PRKAA2: variants seen among roughly 807,000 people sequenced by gnomAD.
The protein encoded by PRKAA2 is protein kinase AMP-activated catalytic subunit alpha 2, also known as 5'-AMP-activated protein kinase catalytic subunit alpha-2.
In PRKAA2, 40 loss-of-function variants were observed where a neutral mutation model predicts 56.3. That is an observed-to-expected ratio of 0.71 (90% confidence interval 0.55 to 0.92). The LOEUF is 0.92. Ranked by LOEUF, PRKAA2 falls within the 40% of genes least tolerant of loss-of-function variation. The probability of loss-of-function intolerance (pLI) is 0.00; values close to 1 mark genes in which losing one functional copy is unlikely to be tolerated. For missense variants in PRKAA2, 542 were observed against 686.9 expected (o/e 0.79, Z 2.36); for synonymous variants, 214 against 234.2 (o/e 0.91, Z 0.79).
chr1:56,663,956 G>A (rs1183721579), intron 1 of PRKAA2, among the ~76,000 whole-genome samples: 1 of 152,060 alleles, frequency 6.6e-6, no homozygotes, highest in Non-Finnish European at 1.5e-5. Context: ...AAAATTAGCT[G>A]AGCATAGTGG....
chr1:56,676,777 G>A (rs939106179), intron 2 of PRKAA2, among the ~76,000 whole-genome samples: 1 of 152,164 alleles, frequency 6.6e-6, no homozygotes, highest in African/African-American at 2.4e-5. Flanking sequence ...GACCCATGTG[G>A]TGCATCTTAC....
chr1:56,692,618 T>A, intron 4 of PRKAA2, 116 bp downstream of exon 4: 1 of 1,047,480 alleles, frequency 9.5e-7, no homozygotes. Flanking sequence ...GAAAAGGAAT[T>A]AGCTGAAATC....
At chr1:56,669,919 T>G (rs139229033) in intron 1 of PRKAA2, among the ~76,000 whole-genome samples, 38 of 152,340 alleles carry the variant, frequency 2.5e-4, no homozygotes, top group African/African-American at 8.7e-4. Flanking sequence ...GTTTAATTCC[T>G]TCTGTGTGAC....
At chr1:56,698,893 C>T (rs951099801) in intron 6 of PRKAA2, among the ~76,000 whole-genome samples, 2 of 152,116 alleles carry the variant, frequency 1.3e-5, no homozygotes, top group Non-Finnish European at 2.9e-5. Flanking sequence ...TAGATATTAT[C>T]TTCATGGAAA....
rs1291837229 is a variant in PRKAA2 at position 56,663,787 on chromosome 1, C to G, written c.95-10594C>G. 5.9e-5 allele frequency among the ~76,000 whole-genome samples: 9 copies of G among 152,182 alleles called. No homozygotes were observed. In the East Asian group the frequency reaches 1.7e-3, roughly 29 times the overall value. ...ACAAATCTGTGAGGGTGGTCTGCTG[C>G]TATGGGCTTCATCTTCAAAATCATC... On this transcript the variant is annotated intron_variant, in intron 1 of 8. Transcript: ENST00000371244.
In PRKAA2 at chr1:56,714,782, A is replaced by G. The variant is rs1644394938; in HGVS notation, c.*7069A>G. The G allele has an allele frequency of 6.6e-6, 1 of 152,118 alleles. No individual in the cohort carries two copies. The highest frequency in any genetic ancestry group is 1.5e-5 in the Non-Finnish European group (1 of 67,980). 9.4% of individuals were successfully genotyped at this position (152,118 alleles called of 1,614,324 possible). A position where few individuals can be genotyped will look rare whatever the true frequency, so the allele number is the denominator to read the frequency against. ...TCATGTATGCTTAAATATACAGTGG[A>G]TTTTGAATGCAACAAATAAAACTGA... On this transcript the variant is annotated 3_prime_UTR_variant, in exon 9 of 9. Coordinates refer to ENST00000371244, the MANE Select transcript of PRKAA2 (RefSeq NM_006252.4).
intron 1 of PRKAA2, among the ~76,000 whole-genome samples, chr1:56,669,124 G>T (rs552614109): frequency 1.3e-5 from 2 of 152,240 alleles, no homozygotes; most frequent in Admixed American, 1.3e-4. Context: ...CCTGATAAAT[G>T]GCTGAGCTTC....
intron 1 of PRKAA2, among the ~76,000 whole-genome samples, chr1:56,662,763 T>C (rs1005449552): frequency 6.6e-6 from 1 of 151,450 alleles, no homozygotes; most frequent in Non-Finnish European, 1.5e-5. Context: ...TGTGTGTGTG[T>C]TTTTTTTTAA....
At chr1:56,673,798 T>C (rs902919330) in intron 1 of PRKAA2, among the ~76,000 whole-genome samples, 6 of 152,122 alleles carry the variant, frequency 3.9e-5, no homozygotes, top group Non-Finnish European at 7.4e-5. Context: ...CAAATGTTTA[T>C]AAAAGATTAA....
rs1256946965 is a variant in PRKAA2, at chr1:56,715,308, TAA to T, written c.*7598_*7599del. 6 of 152,176 alleles carry T rather than the reference TAA, an allele frequency of 3.9e-5. No individual in the cohort carries two copies. Among genetic ancestry groups the T allele is most frequent in the Non-Finnish European group, 7.4e-5 (5 of 68,022 alleles). 9.4% of individuals were successfully genotyped at this position (152,176 alleles called of 1,614,324 possible). A position where few individuals can be genotyped will look rare whatever the true frequency, so the allele number is the denominator to read the frequency against. On this transcript the variant is annotated 3_prime_UTR_variant, in exon 9 of 9. Transcript: ENST00000371244. ...ATAAGCTTTTTTCACAAAATCAAAT[TAA>T]AAGTCTCTGATTCATTTGAAAGCTA...
In PRKAA2 at chr1:56,711,082, TAGCTATCTATAAAG is replaced by T. The variant is rs1469969224; in HGVS notation, c.*3372_*3385del. ...CTCTAGTGTTTACATTCCTTTATACTAGCTATCTATAAAGAGAATCCAGAAGGCTAAATTAATCA... is the reference window on the plus strand; with the variant it reads ...CTCTAGTGTTTACATTCCTTTATACTAGAATCCAGAAGGCTAAATTAATCA... On this transcript the variant is annotated 3_prime_UTR_variant, in exon 9 of 9. Coordinates refer to ENST00000371244, the MANE Select transcript of PRKAA2 (RefSeq NM_006252.4). The T allele has an allele frequency of 6.6e-6, 1 of 152,146 alleles. No individual in the cohort carries two copies. The highest frequency in any genetic ancestry group is 2.4e-5 in the African/African-American group (1 of 41,462). 9.4% of individuals were successfully genotyped at this position (152,146 alleles called of 1,614,324 possible). A position where few individuals can be genotyped will look rare whatever the true frequency, so the allele number is the denominator to read the frequency against.
At chr1:56,683,511 C>T (rs1214789096) in intron 2 of PRKAA2, among the ~76,000 whole-genome samples, 2 of 151,956 alleles carry the variant, frequency 1.3e-5, no homozygotes, top group Non-Finnish European at 2.9e-5. Context: ...GTTGGTTGAT[C>T]CATTCATTCA....
chr1:56,704,797 CT>C (rs762689711), intron 7 of PRKAA2, among the ~76,000 whole-genome samples: 101 of 143,422 alleles, frequency 7.0e-4, no homozygotes, highest in Admixed American at 1.3e-3. Flanking sequence ...TTTACTTTCT[CT>C]TTTTTTTTTT....
chr1:56,666,547 C>A (rs1644037379), intron 1 of PRKAA2, among the ~76,000 whole-genome samples: 1 of 152,060 alleles, frequency 6.6e-6, no homozygotes, highest in South Asian at 2.1e-4. Context: ...TTAAATAGTT[C>A]ACATATTTAA....
Position 56,707,655 on chromosome 1 carries a change from G to A in PRKAA2, c.1601G>A (p.Ser534Asn). The A allele has an allele frequency of 6.2e-7, 1 of 1,613,978 alleles. No homozygotes were observed. The highest frequency in any genetic ancestry group is 8.5e-7 in the Non-Finnish European group (1 of 1,179,886). ...TLSSVSPRLGSHTMDFFEMCA... is the reference protein window; with the variant it reads ...TLSSVSPRLGNHTMDFFEMCA... ...TCTTCAGTTTCACCTCGCCTGGGCA[G>A]TCACACCATGGATTTTTTTGAAATG... Residue 534 changes from serine to asparagine, a missense_variant, in exon 9 of 9, where the codon AGT (serine) becomes AAT (asparagine). Coordinates refer to ENST00000371244, the MANE Select transcript of PRKAA2 (RefSeq NM_006252.4).
At position 56,704,182 on chromosome 1, in the gene PRKAA2, A is replaced by C. The variant is rs1473382427; in HGVS notation, c.1000A>C (p.Met334Leu). The C allele has an allele frequency of 6.2e-7, 1 of 1,614,200 alleles. No homozygotes were observed. The change falls in exon 7 of 9, where the codon ATG becomes CTG. Residue 334 changes from methionine to leucine, a missense_variant. Physicochemically the swap from Met to Leu is conservative, Grantham distance 15 (BLOSUM62 2). Around this residue, in one of 5 missense-constraint regions of PRKAA2, gnomAD observed 198 missense variants for 234.0 expected, o/e 0.85. Coordinates refer to ENST00000371244, the MANE Select transcript of PRKAA2 (RefSeq NM_006252.4). ...YHLIIDNRRI[M>L]NQASEFYLAS... ...TCTTATCATTGACAATCGGAGAATA[A>C]TGAACCAAGCCAGTGAGTTCTACCT...
Position 56,692,399 on chromosome 1 carries a change from G to A in PRKAA2, c.372G>A (p.Leu124=). The A allele has an allele frequency of 6.2e-7, 1 of 1,613,894 alleles. No homozygotes were observed. Among genetic ancestry groups the A allele is most frequent in the East Asian group, 2.2e-5 (1 of 44,868 alleles). The part of the protein sequence containing the change: ...MEARRLFQQI[L]SAVDYCHRHM... ...CCAGGCGGCTCTTTCAGCAGATTCT[G>A]TCTGCTGTGGATTACTGTCATAGGC... Residue 124 remains leucine (L), a synonymous_variant, in exon 4 of 9, where the codon CTG becomes CTA. Coordinates refer to ENST00000371244, the MANE Select transcript of PRKAA2 (RefSeq NM_006252.4).
At chr1:56,648,186 A>G (rs1646659352) in intron 1 of PRKAA2, among the ~76,000 whole-genome samples, 1 of 152,204 alleles carries the variant, frequency 6.6e-6, no homozygotes, top group Non-Finnish European at 1.5e-5. Flanking sequence ...TGAGGACACC[A>G]CAGTAAGATT....
chr1:56,714,518 A>C lies in PRKAA2; in HGVS notation c.*6805A>C, dbSNP rs1417190435. On this transcript the variant is annotated 3_prime_UTR_variant, in exon 9 of 9. Transcript: ENST00000371244. ...TTGTGGTGTTGTTAGGTGACATTTA[A>C]TATTTCTTGAGACCTCAAGTATTCA... is the stretch of plus-strand genomic sequence containing the variant. The C allele has an allele frequency of 6.6e-6, 1 of 152,156 alleles. No homozygotes were observed. Among genetic ancestry groups the C allele is most frequent in the African/African-American group, 2.4e-5 (1 of 41,450 alleles). The allele number at this position is 152,156 out of a possible 1,614,324, so 9.4% of individuals were successfully genotyped here.
Sources: gnomAD v4.1 joint callset for allele counts (sites outside exome capture counted in the v4.1 genomes callset) on GRCh38, gnomAD v4.1.1 for gene constraint, gnomAD v4.1.1 regional missense constraint, MANE v1.5 for transcripts, NCBI Gene and HGNC (gene_info 2026-07-23, HGNC 2026-07-21) for gene names.